PTPN5: variants seen among roughly 807,000 people sequenced by gnomAD.
The protein encoded by PTPN5 is tyrosine-protein phosphatase non-receptor type 5.
Under a neutral mutation model 73.9 loss-of-function variants are expected in PTPN5, and 29 were observed. The ratio of observed to expected loss-of-function variants is 0.39; its 90% CI spans 0.29 to 0.54. The LOEUF (loss-of-function observed/expected upper bound fraction) is 0.54, where lower values mean the gene tolerates loss of function less well. Ranked by LOEUF, PTPN5 falls within the 20% of genes least tolerant of loss-of-function variation. The pLI, the probability that PTPN5 is intolerant of heterozygous loss-of-function variation, is 0.65. For synonymous variants in PTPN5, 267 were observed against 304.7 expected, an observed-to-expected ratio of 0.88 and a Z score of 1.29; for missense variants, 652 against 751.4, an observed-to-expected ratio of 0.87 and a Z score of 1.55.
Position 18,732,629 on chromosome 11 carries a change from T to G in PTPN5, c.1292A>C (p.His431Pro). 6.2e-7 allele frequency: 1 copy of G among 1,613,990 alleles called. No individual in the cohort carries two copies. Residue 431 changes from histidine (H) to proline (P), a missense_variant, in exon 12 of 15, where the codon CAC becomes CCC. Coordinates refer to ENST00000358540, the MANE Select transcript of PTPN5 (RefSeq NM_006906.2). ...GVEITVQKVI[H>P]TEDYRLRLIS... ...GAGTCGCAGCCGGTAATCCTCCGTG[T>G]GAATGACTTTCTGCACAGTGATCTC...
Position 18,728,780 on chromosome 11 carries a change from G to A in PTPN5, c.*154C>T, listed in dbSNP as rs933506155. 2.0e-5 allele frequency: 13 copies of A among 650,084 alleles called. No individual in the cohort carries two copies. The African/African-American group carries it at 2.4e-4, about 12-fold the overall frequency. 40.3% of individuals were successfully genotyped at this position (650,084 alleles called of 1,614,324 possible). On this transcript the variant is annotated 3_prime_UTR_variant, in exon 15 of 15. Transcript: ENST00000358540. The surrounding 1 kb of genome is among the most constrained non-coding windows in gnomAD (Gnocchi z 4.1). ...TATGTACAGTAGGAAGAGCAATGCTGGAGGGTAGGGGTCAGGCCAGGCTGA... is the reference window on the plus strand; with the variant it reads ...TATGTACAGTAGGAAGAGCAATGCTAGAGGGTAGGGGTCAGGCCAGGCTGA...
Position 18,729,842 on chromosome 11 carries a change from C to T in PTPN5, c.1330-24G>A. ...CTCTGTCGAGGAGACAGAGGCCCAC[C>T]CCAGGTATGTGTGAACTCTTTCAGC... is the stretch of plus-strand genomic sequence containing the variant. On this transcript the variant is annotated intron_variant, in intron 12 of 14. Transcript: ENST00000358540. This position sits in a 1 kb window ranked among gnomAD's most constrained non-coding sequence, Gnocchi z 5.2. 6.2e-7 allele frequency: 1 copy of T among 1,614,070 alleles called. No individual in the cohort carries two copies. The highest frequency in any genetic ancestry group is 8.5e-7 in the Non-Finnish European group (1 of 1,179,958).
chr11:18,747,503 C>T (rs571900690), intron 3 of PTPN5, among the ~76,000 whole-genome samples: 9 of 152,150 alleles, frequency 5.9e-5, no homozygotes, highest in African/African-American at 1.9e-4. Context: ...TATTTGTACT[C>T]GTTTTGATAT....
chr11:18,777,171 AAC>A (rs759977696), intron 1 of PTPN5, among the ~76,000 whole-genome samples: 3 of 152,150 alleles, frequency 2.0e-5, no homozygotes, highest in Non-Finnish European at 4.4e-5. Context: ...AAAACAAACA[AAC>A]AAACAAACAA....
Position 18,744,057 on chromosome 11 carries a change from G to A in PTPN5, c.240C>T (p.His80=). 6.2e-7 allele frequency: 1 copy of A among 1,609,890 alleles called. No homozygotes were observed. The highest frequency in any genetic ancestry group is 8.5e-7 in the Non-Finnish European group (1 of 1,178,198). ...ACAGGCTGCTCCTGACAGTGAGGGA[G>A]TGGCTCCCAGCGCCTCGAGGTGGTG... is the stretch of plus-strand genomic sequence containing the variant. The part of the protein sequence containing the change: ...QKPPPRGAGS[H]SLTVRSSLCL... The change falls in exon 4 of 15, where the codon CAC becomes CAT. Residue 80 remains histidine, a synonymous_variant. Transcript: ENST00000358540.
intron 1 of PTPN5, among the ~76,000 whole-genome samples, chr11:18,779,940 T>G (rs1851345578): frequency 6.6e-6 from 1 of 152,088 alleles, no homozygotes; most frequent in Non-Finnish European, 1.5e-5. Context: ...TGCAGGGTTG[T>G]GATGAAGCCT....
intron 3 of PTPN5, among the ~76,000 whole-genome samples, chr11:18,756,921 C>CAA (rs71483486): frequency 0.08 from 6,622 of 83,044 alleles, 556 homozygotes; most frequent in African/African-American, 0.2. Context: ...AAGACTCCAT[C>CAA]AAAAAAAAAA....
intron 7 of PTPN5, 126 bp from the exon 8 acceptor site, chr11:18,740,918 G>A (rs557257866): frequency 6.1e-5 from 31 of 504,292 alleles, no homozygotes; most frequent in African/African-American, 3.6e-4. Context: ...TTGAGGAAGA[G>A]GAGTGGGAGT....
chr11:18,731,951 C>G (rs530763759), intron 12 of PTPN5, among the ~76,000 whole-genome samples: 21 of 152,320 alleles, frequency 1.4e-4, no homozygotes, highest in African/African-American at 5.1e-4. Context: ...ACAGAATCCA[C>G]TAATCCCGAT....
chr11:18,784,076 G>A lies in PTPN5; in HGVS notation c.-114+7449C>T, dbSNP rs146125266. Reference sequence around the variant, plus strand: ...ACTTCACTCAGTGGTCTTCATACTGGGCACACAAAAATCCTTTTTAAAAAA... The same window carrying A: ...ACTTCACTCAGTGGTCTTCATACTGAGCACACAAAAATCCTTTTTAAAAAA... On this transcript the variant is annotated intron_variant, in intron 1 of 14. Coordinates refer to ENST00000358540, the MANE Select transcript of PTPN5 (RefSeq NM_006906.2). Among the ~76,000 whole-genome samples, 377 of 152,006 alleles carry A rather than the reference G, an allele frequency of 2.5e-3. 3 individuals are homozygous for A. The highest frequency in any genetic ancestry group is 8.7e-3 in the African/African-American group (362 of 41,444).
At chr11:18,774,651 T>C (rs1362011730) in intron 1 of PTPN5, among the ~76,000 whole-genome samples, 1 of 152,258 alleles carries the variant, frequency 6.6e-6, no homozygotes, top group Non-Finnish European at 1.5e-5. Context: ...TAGCAGGGGC[T>C]AGCTGCATAG....
At chr11:18,780,293 G>A (rs756001683) in intron 1 of PTPN5, among the ~76,000 whole-genome samples, 6 of 152,094 alleles carry the variant, frequency 3.9e-5, no homozygotes, top group Admixed American at 6.6e-5. Context: ...AGGAAAGGGC[G>A]GGTAAAAGAA....
chr11:18,742,629 G>C lies in PTPN5; in HGVS notation c.484-126C>G. 7.1e-7 allele frequency: 1 copy of C among 1,410,046 alleles called. No individual in the cohort carries two copies. Among genetic ancestry groups the C allele is most frequent in the Non-Finnish European group, 9.5e-7 (1 of 1,054,106 alleles). The allele number at this position is 1,410,046 out of a possible 1,614,324, so 87.3% of individuals were successfully genotyped here. ...GTCTAGAGCAGCTCTGCTCTCCTGG[G>C]AGTTGTCCACAAGGCACTGCCCCTG... On this transcript the variant is annotated intron_variant, in intron 6 of 14. Transcript: ENST00000358540. This position sits in a 1 kb window ranked among gnomAD's most constrained non-coding sequence, Gnocchi z 4.1.
intron 2 of PTPN5, among the ~76,000 whole-genome samples, chr11:18,771,602 G>A (rs1325886425): frequency 6.6e-6 from 1 of 152,236 alleles, no homozygotes; most frequent in Non-Finnish European, 1.5e-5. Context: ...CACAGGGCCT[G>A]AGCCTGTTGA....
intron 3 of PTPN5, among the ~76,000 whole-genome samples, chr11:18,762,409 C>A (rs1850438666): frequency 6.6e-6 from 1 of 152,124 alleles, no homozygotes. Context: ...GGCCTACAAA[C>A]TCCCATTTCC....
intron 3 of PTPN5, among the ~76,000 whole-genome samples, chr11:18,761,927 G>A (rs904589773): frequency 1.3e-5 from 2 of 152,204 alleles, no homozygotes; most frequent in African/African-American, 4.8e-5. Context: ...TGAGACAGAG[G>A]CAGGCCACGT....
intron 1 of PTPN5, among the ~76,000 whole-genome samples, chr11:18,783,635 T>A (rs928649281): frequency 6.6e-6 from 1 of 152,150 alleles, no homozygotes; most frequent in Admixed American, 6.5e-5. Flanking sequence ...GTCACCAAGA[T>A]TGAGATAATG....
intron 3 of PTPN5, among the ~76,000 whole-genome samples, chr11:18,762,709 G>A (rs887761783): frequency 3.9e-5 from 6 of 152,050 alleles, no homozygotes; most frequent in African/African-American, 1.4e-4. Context: ...TATATGCCAG[G>A]CACTGTTCTA....
chr11:18,729,443 G>A lies in PTPN5; in HGVS notation c.1604+10C>T, dbSNP rs2241984. On this transcript the variant is annotated intron_variant, in intron 14 of 14. Coordinates refer to ENST00000358540, the MANE Select transcript of PTPN5 (RefSeq NM_006906.2). The surrounding 1 kb of genome is among the most constrained non-coding windows in gnomAD (Gnocchi z 5.2). ...CCCTTGTGTGTCCCCACTCCCGCCCGTGGGCTGACCTGTCCTGACGGAGCT... is the reference window on the plus strand; with the variant it reads ...CCCTTGTGTGTCCCCACTCCCGCCCATGGGCTGACCTGTCCTGACGGAGCT... 0.04 allele frequency: 54,216 copies of A among 1,360,274 alleles called. 1,991 individuals carry two copies. The highest frequency in any genetic ancestry group is 0.21 in the East Asian group (9,059 of 43,834). 84.3% of individuals were successfully genotyped at this position (1,360,274 alleles called of 1,614,324 possible). A position where few individuals can be genotyped will look rare whatever the true frequency, so the allele number is the denominator to read the frequency against.
Sources: allele counts gnomAD v4.1 joint callset (sites outside exome capture counted in the v4.1 genomes callset), GRCh38; gene constraint gnomAD v4.1.1; non-coding constraint Gnocchi (gnomAD v3.1); transcripts MANE v1.5; gene names NCBI Gene and HGNC (gene_info 2026-07-23, HGNC 2026-07-21).